Variants in ADAMTS12 observed in about 807,000 individuals in gnomAD.
The protein encoded by ADAMTS12 is ADAM metallopeptidase with thrombospondin type 1 motif 12, also known as A disintegrin and metalloproteinase with thrombospondin motifs 12.
In ADAMTS12, 118 loss-of-function variants were observed where a neutral mutation model predicts 167.8. The ratio of observed to expected loss-of-function variants is 0.70; its 90% CI spans 0.61 to 0.82. ADAMTS12 has a LOEUF of 0.82. Among genes scored for constraint, ADAMTS12 ranks in the 40% least tolerant of loss-of-function variants. ADAMTS12 has a pLI of 0.00. For synonymous variants in ADAMTS12, 704 were observed against 716.9 expected, an observed-to-expected ratio of 0.98 and a Z score of 0.29; for missense variants, 1,916 against 1,998.8, an observed-to-expected ratio of 0.96 and a Z score of 0.79.
rs150194397 is a variant in ADAMTS12 at position 33,683,948 on chromosome 5, C to T, written c.742G>A (p.Val248Met). Reference sequence around the variant, plus strand: ...GTGTCGGCCACCACCAGTGTCTCCACCCATCTCTCCTTGCTGATGGAACGC... The same window carrying T: ...GTGTCGGCCACCACCAGTGTCTCCATCCATCTCTCCTTGCTGATGGAACGC... ...SRRSISKERWVETLVVADTKM... is the reference protein window; with the variant it reads ...SRRSISKERWMETLVVADTKM... The change falls in exon 4 of 24, where the codon GTG becomes ATG. Residue 248 changes from valine (V) to methionine (M), a missense_variant. Coordinates refer to ENST00000504830, the MANE Select transcript of ADAMTS12 (RefSeq NM_030955.4). The T allele has an allele frequency of 3.2e-5, 52 of 1,612,782 alleles. No homozygotes were observed. The African/African-American group carries it at 5.7e-4, about 18-fold the overall frequency.
intron 2 of ADAMTS12, among the ~76,000 whole-genome samples, chr5:33,853,968 A>C (rs1240588758): frequency 6.6e-6 from 1 of 152,240 alleles, no homozygotes; most frequent in Non-Finnish European, 1.5e-5. Flanking sequence ...TCTTGTCTAA[A>C]GTAACACAGT....
At chr5:33,749,296 C>T (rs891428777) in intron 3 of ADAMTS12, among the ~76,000 whole-genome samples, 3 of 152,156 alleles carry the variant, frequency 2.0e-5, no homozygotes, top group Non-Finnish European at 4.4e-5. Flanking sequence ...AACCGGAGGC[C>T]GTATAAAGCT....
chr5:33,745,716 T>G (rs913620780), intron 3 of ADAMTS12, among the ~76,000 whole-genome samples: 5 of 151,912 alleles, frequency 3.3e-5, no homozygotes, highest in Admixed American at 6.5e-5. Flanking sequence ...GAAGATTATT[T>G]GCATGAAGGC....
intron 14 of ADAMTS12, among the ~76,000 whole-genome samples, chr5:33,622,610 A>T (rs1049052341): frequency 6.6e-6 from 1 of 152,228 alleles, no homozygotes; most frequent in Non-Finnish European, 1.5e-5. Context: ...CTGAGATTGC[A>T]GCACTGCACT....
intron 10 of ADAMTS12, among the ~76,000 whole-genome samples, chr5:33,642,261 T>C (rs80052656): frequency 0.036 from 5,476 of 152,280 alleles, 106 homozygotes; most frequent in African/African-American, 0.052. Context: ...TGAGAAAGTC[T>C]TGTTAGGAAA....
chr5:33,555,547 C>A (rs1454242436), intron 20 of ADAMTS12, among the ~76,000 whole-genome samples: 3 of 152,176 alleles, frequency 2.0e-5, no homozygotes, highest in African/African-American at 7.2e-5. Context: ...CAGTGCCCAG[C>A]CTCCCCCATA....
At chr5:33,780,247 C>T (rs1746076806) in intron 2 of ADAMTS12, among the ~76,000 whole-genome samples, 1 of 152,060 alleles carries the variant, frequency 6.6e-6, no homozygotes, top group African/African-American at 2.4e-5. Context: ...ATTAAGTTTG[C>T]CTTGAGATTT....
At chr5:33,842,682 C>G (rs929777270) in intron 2 of ADAMTS12, among the ~76,000 whole-genome samples, 1 of 152,180 alleles carries the variant, frequency 6.6e-6, no homozygotes, top group Admixed American at 6.5e-5. Context: ...GTGCCAGGCA[C>G]TGGGACAGTC....
At chr5:33,659,010 G>A (rs1741160935) in intron 6 of ADAMTS12, among the ~76,000 whole-genome samples, 1 of 152,156 alleles carries the variant, frequency 6.6e-6, no homozygotes, top group Non-Finnish European at 1.5e-5. Context: ...TCACTAATTA[G>A]TCACTAGGTT....
At chr5:33,697,174 T>G (rs1742811879) in intron 3 of ADAMTS12, among the ~76,000 whole-genome samples, 1 of 152,196 alleles carries the variant, frequency 6.6e-6, no homozygotes, top group Non-Finnish European at 1.5e-5. Flanking sequence ...CATAAGGTGG[T>G]GTGTATATAT....
chr5:33,888,683 G>A (rs1030953727), intron 1 of ADAMTS12, among the ~76,000 whole-genome samples: 2 of 152,192 alleles, frequency 1.3e-5, no homozygotes. Flanking sequence ...GAGCAAAAGA[G>A]GTCATGGAAC....
intron 16 of ADAMTS12, 37 bp from the exon 17 acceptor site, chr5:33,596,097 C>T: frequency 1.2e-6 from 2 of 1,609,820 alleles, no homozygotes; most frequent in Non-Finnish European, 1.7e-6. Context: ...CATATTGAAT[C>T]CTGAGCCCAC....
At chr5:33,820,566 C>G (rs1747831994) in intron 2 of ADAMTS12, among the ~76,000 whole-genome samples, 1 of 152,054 alleles carries the variant, frequency 6.6e-6, no homozygotes, top group African/African-American at 2.4e-5. Flanking sequence ...TCGGTTTTGA[C>G]TGAGAGAAGA....
intron 2 of ADAMTS12, among the ~76,000 whole-genome samples, chr5:33,827,030 A>C (rs1233331647): frequency 1.3e-5 from 2 of 151,688 alleles, no homozygotes; most frequent in African/African-American, 4.8e-5. Context: ...AATAGCTCTC[A>C]GTTCATCCAC....
At chr5:33,777,464 T>C (rs1232164292) in intron 2 of ADAMTS12, among the ~76,000 whole-genome samples, 2 of 145,990 alleles carry the variant, frequency 1.4e-5, no homozygotes, top group Non-Finnish European at 3.0e-5. Flanking sequence ...GAAAGAGCAT[T>C]TGAAAATATT....
intron 2 of ADAMTS12, among the ~76,000 whole-genome samples, chr5:33,859,171 C>T (rs371617008): frequency 6.6e-6 from 1 of 152,332 alleles, no homozygotes; most frequent in East Asian, 1.9e-4. Flanking sequence ...TGTTCACTTC[C>T]CTGGAAAGGG....
intron 2 of ADAMTS12, among the ~76,000 whole-genome samples, chr5:33,825,988 A>G (rs1748051435): frequency 6.6e-6 from 1 of 152,202 alleles, no homozygotes; most frequent in Non-Finnish European, 1.5e-5. Context: ...ACACTGGAAC[A>G]GATCTCTACC....
intron 2 of ADAMTS12, among the ~76,000 whole-genome samples, chr5:33,755,960 C>A (rs1745154686): frequency 6.6e-6 from 1 of 152,160 alleles, no homozygotes. Context: ...TGTTCCCCAT[C>A]ATATAGGCAG....
intron 7 of ADAMTS12, among the ~76,000 whole-genome samples, chr5:33,652,603 C>T (rs1350872155): frequency 8.6e-5 from 13 of 152,018 alleles, no homozygotes; most frequent in African/African-American, 2.7e-4. Flanking sequence ...CTGATTATTT[C>T]TTTTGCTGTG....
Sources: allele counts gnomAD v4.1 joint callset (sites outside exome capture counted in the v4.1 genomes callset), GRCh38; gene constraint gnomAD v4.1.1; transcripts MANE v1.5; gene names NCBI Gene and HGNC (gene_info 2026-07-23, HGNC 2026-07-21).